The following ZNF341 variants were observed in gnomAD, a reference collection of about 807,000 sequenced individuals.
ZNF341 encodes the protein zinc finger protein 341.
ZNF341 carries 52 observed loss-of-function variants against 87.7 expected under a neutral mutation model. The observed-to-expected ratio is 0.59, with a 90% CI of 0.47 to 0.75. ZNF341 has a LOEUF of 0.75. Ranked by LOEUF, ZNF341 falls within the 30% of genes least tolerant of loss-of-function variation. The probability of loss-of-function intolerance (pLI) is 0.00; values close to 1 mark genes in which losing one functional copy is unlikely to be tolerated. For missense variants in ZNF341, 977 were observed against 1,145.9 expected (o/e 0.85, Z 2.13); for synonymous variants, 459 against 472.7 (o/e 0.97, Z 0.38).
intron 4 of ZNF341, among the ~76,000 whole-genome samples, chr20:33,752,942 C>G (rs143350752): frequency 7.4e-4 from 112 of 152,318 alleles, no homozygotes; most frequent in Middle Eastern, 3.4e-3. Flanking sequence ...GCCACTGCGC[C>G]CGGCCATTTT....
intron 10 of ZNF341, among the ~76,000 whole-genome samples, chr20:33,775,777 G>A (rs1402291339): frequency 6.6e-6 from 1 of 152,030 alleles, no homozygotes; most frequent in African/African-American, 2.4e-5. Flanking sequence ...ATGGCTTGCT[G>A]TAGCCTTGAC....
chr20:33,764,561 A>ATATATTTTTTT (rs1266929824), intron 8 of ZNF341, among the ~76,000 whole-genome samples: 2 of 28,412 alleles, frequency 7.0e-5, no homozygotes, highest in African/African-American at 2.2e-4. Context: ...ATATATATAT[A>ATATATTTTTTT]TTTTTTTTTT....
At chr20:33,738,413 T>C (rs2018735868) in intron 1 of ZNF341, among the ~76,000 whole-genome samples, 1 of 152,212 alleles carries the variant, frequency 6.6e-6, no homozygotes, top group South Asian at 2.1e-4. Flanking sequence ...CCTAACCTCA[T>C]GGTCTTTCAT....
intron 4 of ZNF341, among the ~76,000 whole-genome samples, chr20:33,752,717 A>G (rs1323935597): frequency 1.4e-5 from 2 of 147,128 alleles, no homozygotes; most frequent in South Asian, 2.1e-4. Context: ...TGGTGGTGCA[A>G]TCTCCACTCA....
intron 1 of ZNF341, among the ~76,000 whole-genome samples, chr20:33,735,527 A>G (rs1176905763): frequency 6.6e-6 from 1 of 152,112 alleles, no homozygotes; most frequent in Non-Finnish European, 1.5e-5. Context: ...TATGTTGCCC[A>G]GGTTGATCTT....
At chr20:33,743,940 T>C (rs757772460) in intron 2 of ZNF341, among the ~76,000 whole-genome samples, 5 of 152,228 alleles carry the variant, frequency 3.3e-5, no homozygotes, top group African/African-American at 1.2e-4. Flanking sequence ...AAAACTGTTA[T>C]ATGATAGGTG....
chr20:33,778,804 A>G (rs2019678829), intron 10 of ZNF341, among the ~76,000 whole-genome samples: 1 of 152,242 alleles, frequency 6.6e-6, no homozygotes, highest in Non-Finnish European at 1.5e-5. Flanking sequence ...CATTGTAAAT[A>G]GGTCAATATG....
intron 1 of ZNF341, among the ~76,000 whole-genome samples, chr20:33,735,922 C>A (rs1186544523): frequency 6.6e-6 from 1 of 151,916 alleles, no homozygotes; most frequent in Non-Finnish European, 1.5e-5. Context: ...TAAATGAAAT[C>A]ATAAAGTGTA....
chr20:33,739,248 G>A (rs1277302216), intron 1 of ZNF341, among the ~76,000 whole-genome samples: 1 of 152,178 alleles, frequency 6.6e-6, no homozygotes, highest in Non-Finnish European at 1.5e-5. Flanking sequence ...AATTACAGGC[G>A]TGAGCCACCA....
At position 33,781,351 on chromosome 20, in the gene ZNF341, C is replaced by T. The variant is rs762286603; in HGVS notation, c.1683C>T (p.Thr561=). 2.5e-5 allele frequency: 41 copies of T among 1,613,960 alleles called. No homozygotes were observed. The highest frequency in any genetic ancestry group is 1.7e-4 in the Admixed American group (10 of 59,994). Reference sequence around the variant, plus strand: ...AGGCCCTGGAGCACCACCTGCAGACCGCCACTCACAACTTCCCCTGCCCAC... The same window carrying T: ...AGGCCCTGGAGCACCACCTGCAGACTGCCACTCACAACTTCCCCTGCCCAC... The part of the protein sequence containing the change: ...TPEALEHHLQ[T]ATHNFPCPHC... Residue 561 remains threonine, a synonymous_variant, in exon 11 of 15, where the codon ACC becomes ACT. Coordinates refer to ENST00000375200, the MANE Select transcript of ZNF341 (RefSeq NM_001282933.2).
chr20:33,790,489 C>T (rs1270908433), intron 14 of ZNF341, among the ~76,000 whole-genome samples: 1 of 152,148 alleles, frequency 6.6e-6, no homozygotes, highest in African/African-American at 2.4e-5. Context: ...GTTGTGACAA[C>T]CAAAAATGTC....
intron 1 of ZNF341, among the ~76,000 whole-genome samples, chr20:33,733,721 G>A (rs974774617): frequency 6.6e-6 from 1 of 152,196 alleles, no homozygotes; most frequent in African/African-American, 2.4e-5. Context: ...AATGGGGGGC[G>A]GGGTAGCCCT....
intron 7 of ZNF341, among the ~76,000 whole-genome samples, chr20:33,760,688 C>G (rs2019272358): frequency 1.3e-5 from 2 of 151,892 alleles, no homozygotes; most frequent in African/African-American, 4.8e-5. Context: ...AGACCACAGG[C>G]TCGCTCCACC....
rs1488567012 is a variant in ZNF341, at chr20:33,783,862, C to T, written c.1850C>T (p.Ser617Leu). Residue 617 changes from serine (S) to leucine (L), a missense_variant and splice_region_variant, in exon 12 of 15, where the codon TCG becomes TTG. Coordinates refer to ENST00000375200, the MANE Select transcript of ZNF341 (RefSeq NM_001282933.2). ...CTCAAACTGCATGCTCACATCCACT[C>T]GGGTAGGTACCCTGCCCCTGAGAAC... ...HYLKLHAHIH[S>L]GEKPYKCSVC... The T allele has an allele frequency of 3.1e-6, 5 of 1,612,406 alleles. No individual in the cohort carries two copies. Among genetic ancestry groups the T allele is most frequent in the African/African-American group, 2.7e-5 (2 of 74,704 alleles).
In ZNF341 at chr20:33,770,303, C is replaced by A. The variant is rs368615507; in HGVS notation, c.1622+11C>A. On this transcript the variant is annotated intron_variant, in intron 10 of 14. Transcript: ENST00000375200. ...CAATGCCGTCTACAAGTAAGTGCCTCCTGCTTCCCTCTCCCTGGGTGGACG... is the reference window on the plus strand; with the variant it reads ...CAATGCCGTCTACAAGTAAGTGCCTACTGCTTCCCTCTCCCTGGGTGGACG... The A allele has an allele frequency of 6.1e-6, 9 of 1,487,404 alleles. No homozygotes were observed. Among genetic ancestry groups the A allele is most frequent in the Non-Finnish European group, 8.2e-6 (9 of 1,099,344 alleles). The allele number at this position is 1,487,404 out of a possible 1,614,324, so 92.1% of individuals were successfully genotyped here.
At chr20:33,786,933 A>G (rs2019877504) in intron 12 of ZNF341, among the ~76,000 whole-genome samples, 2 of 149,586 alleles carry the variant, frequency 1.3e-5, no homozygotes, top group South Asian at 4.2e-4. Context: ...AAACCACTGC[A>G]CTCCAGCCTG....
chr20:33,749,757 CT>C (rs34065737), intron 4 of ZNF341, among the ~76,000 whole-genome samples: 252 of 140,822 alleles, frequency 1.8e-3, no homozygotes, highest in Non-Finnish European at 1.9e-3. Context: ...TGTTTTTGTT[CT>C]TTTTTTTTTT....
At chr20:33,759,420 G>C (rs2019248180) in intron 7 of ZNF341, among the ~76,000 whole-genome samples, 1 of 152,138 alleles carries the variant, frequency 6.6e-6, no homozygotes, top group African/African-American at 2.4e-5. Context: ...GAGTAGCTTG[G>C]ATTACAGGCA....
At chr20:33,758,526 T>G (rs1444153662) in intron 6 of ZNF341, among the ~76,000 whole-genome samples, 190 bp from the exon 7 acceptor site, 2 of 152,182 alleles carry the variant, frequency 1.3e-5, no homozygotes, top group African/African-American at 4.8e-5. Flanking sequence ...CTTTCCCAGC[T>G]GGAGCATGTC....
Sources: gnomAD v4.1 joint callset for allele counts (sites outside exome capture counted in the v4.1 genomes callset) on GRCh38, gnomAD v4.1.1 for gene constraint, MANE v1.5 for transcripts, NCBI Gene and HGNC (gene_info 2026-07-23, HGNC 2026-07-21) for gene names.